The following SHROOM4 variants were observed in gnomAD, a reference collection of about 807,000 sequenced individuals.
SHROOM4 encodes shroom family member 4.
A neutral mutation model predicts 80.3 loss-of-function variants in SHROOM4; 17 were observed. The observed-to-expected ratio is 0.21, with a 90% CI of 0.14 to 0.32. The LOEUF is 0.32. Among genes scored for constraint, SHROOM4 ranks in the 10% least tolerant of loss-of-function variants. The pLI, the probability that SHROOM4 is intolerant of heterozygous loss-of-function variation, is 1.00. For synonymous variants in SHROOM4, 400 were observed against 437.5 expected (o/e 0.91, Z 1.07); for missense variants, 993 against 1,140.3 (o/e 0.87, Z 1.86).
intron 5 of SHROOM4, among the ~76,000 whole-genome samples, chrX:50,622,635 C>T (rs1930621195): frequency 8.9e-6 from 1 of 112,029 alleles, no homozygotes; most frequent in South Asian, 3.7e-4. Flanking sequence ...TCCACCTACA[C>T]TCATCATTCC....
At chrX:50,615,424 C>T (rs954969184) in intron 5 of SHROOM4, among the ~76,000 whole-genome samples, 2 of 110,839 alleles carry the variant, frequency 1.8e-5, no homozygotes, top group African/African-American at 3.3e-5. Flanking sequence ...TCCCTGATTC[C>T]CCCAAAGCAT....
intron 2 of SHROOM4, among the ~76,000 whole-genome samples, chrX:50,642,655 G>T (rs782483229): frequency 9.0e-6 from 1 of 111,087 alleles, no homozygotes; most frequent in African/African-American, 3.3e-5. Context: ...TGTAGAGATG[G>T]GGTTTCACCA....
Position 50,709,061 on chromosome X carries a change from A to G in SHROOM4, c.118-13124T>C, listed in dbSNP as rs1349263618. 2.7e-5 allele frequency among the ~76,000 whole-genome samples: 3 copies of G among 111,082 alleles called. No individual in the cohort carries two copies. The East Asian group carries it at 8.5e-4, about 32-fold the overall frequency. On this transcript the variant is annotated intron_variant, in intron 1 of 8. Coordinates refer to ENST00000376020, the MANE Select transcript of SHROOM4 (RefSeq NM_020717.5). ...GTCCTTCCAGAGGGGTGGGGGACGG[A>G]GGAAAGAGAGGCAGCCAGAGGTCCA... is the stretch of plus-strand genomic sequence containing the variant.
intron 1 of SHROOM4, among the ~76,000 whole-genome samples, chrX:50,790,808 A>G (rs1935837090): frequency 9.0e-6 from 1 of 111,601 alleles, no homozygotes; most frequent in Non-Finnish European, 1.9e-5. Context: ...AATAAAGGCC[A>G]TATAAGAAAA....
At chrX:50,597,103 G>T in intron 8 of SHROOM4, 139 bp from the exon 9 acceptor site, 2 of 755,402 alleles carry the variant, frequency 2.6e-6, no homozygotes, top group Non-Finnish European at 3.9e-6. Flanking sequence ...TAGATTTTCT[G>T]CCCTGAAGTC....
At chrX:50,796,113 T>C (rs1936005336) in intron 1 of SHROOM4, among the ~76,000 whole-genome samples, 1 of 111,270 alleles carries the variant, frequency 9.0e-6, no homozygotes, top group South Asian at 3.8e-4. Context: ...TCAGTTGGTG[T>C]CAGTTTGTGG....
intron 2 of SHROOM4, among the ~76,000 whole-genome samples, chrX:50,642,210 G>A (rs1001373570): frequency 1.8e-5 from 2 of 112,166 alleles, no homozygotes; most frequent in Non-Finnish European, 3.8e-5. Context: ...TCACTTCTGC[G>A]AGTTGCAGAT....
intron 1 of SHROOM4, among the ~76,000 whole-genome samples, chrX:50,709,817 G>T (rs1212338977): frequency 8.9e-6 from 1 of 111,981 alleles, no homozygotes; most frequent in African/African-American, 3.3e-5. Flanking sequence ...TCAAAGTGTG[G>T]TACCTGGACC....
the SHROOM4 span, among the ~76,000 whole-genome samples, chrX:50,576,032 G>A: frequency 1.8e-5 from 2 of 111,841 alleles, no homozygotes; most frequent in African/African-American, 3.2e-5. Flanking sequence ...TTAGGTGGGC[G>A]AATAGAGTTT....
chrX:50,804,159 A>T (rs1936180404), intron 1 of SHROOM4, among the ~76,000 whole-genome samples: 1 of 111,860 alleles, frequency 8.9e-6, no homozygotes, highest in South Asian at 3.8e-4. Flanking sequence ...TGCTAATAAT[A>T]ATATGAAATA....
downstream of SHROOM4, among the ~76,000 whole-genome samples, chrX:50,585,783 A>G (rs945134470): frequency 1.8e-5 from 2 of 111,521 alleles, no homozygotes; most frequent in Non-Finnish European, 3.8e-5. Flanking sequence ...CGAGCTCCCA[A>G]AGATACATGG....
At chrX:50,672,581 C>T (rs895244895) in intron 2 of SHROOM4, among the ~76,000 whole-genome samples, 2 of 111,151 alleles carry the variant, frequency 1.8e-5, no homozygotes, top group East Asian at 5.7e-4. Flanking sequence ...TACTGAAGTA[C>T]TAGAAGGAGA....
chrX:50,613,996 A>G (rs888834564), intron 5 of SHROOM4, among the ~76,000 whole-genome samples: 2 of 112,094 alleles, frequency 1.8e-5, no homozygotes, highest in Admixed American at 1.9e-4. Flanking sequence ...GTCAACTCAA[A>G]TGCATAGGGG....
intron 5 of SHROOM4, among the ~76,000 whole-genome samples, chrX:50,611,131 A>ATTTTCTT (rs1929953834): frequency 9.0e-5 from 7 of 77,473 alleles, no homozygotes; most frequent in African/African-American, 3.7e-4. Flanking sequence ...TACAGACCAT[A>ATTTTCTT]TTTTCTTTTT....
At chrX:50,627,416 A>G in intron 5 of SHROOM4, among the ~76,000 whole-genome samples, 198 bp downstream of exon 5, 1 of 111,425 alleles carries the variant, frequency 9.0e-6, no homozygotes, top group Non-Finnish European at 1.9e-5. Context: ...TGTCCTAGCA[A>G]TCAGTTTGGT....
At chrX:50,767,320 C>G (rs967516963) in intron 1 of SHROOM4, among the ~76,000 whole-genome samples, 3 of 111,957 alleles carry the variant, frequency 2.7e-5, no homozygotes, top group Non-Finnish European at 3.8e-5. Context: ...ACCACACAAT[C>G]TTATATTTTC....
chrX:50,703,939 C>T (rs912516681), intron 1 of SHROOM4, among the ~76,000 whole-genome samples: 1 of 111,792 alleles, frequency 8.9e-6, no homozygotes, highest in Non-Finnish European at 1.9e-5. Flanking sequence ...CCTTGCAAAG[C>T]TGATGTGGTG....
intron 2 of SHROOM4, among the ~76,000 whole-genome samples, chrX:50,643,057 G>C (rs1557257442): frequency 9.0e-6 from 1 of 111,018 alleles, no homozygotes; most frequent in African/African-American, 3.3e-5. Context: ...AGAGAGAGGA[G>C]GAGAAACAAA....
intron 1 of SHROOM4, among the ~76,000 whole-genome samples, chrX:50,758,067 T>C (rs1442135688): frequency 9.0e-6 from 1 of 111,699 alleles, no homozygotes. Context: ...AATGAAAATG[T>C]TTTCTTAATT....
Sources: allele counts gnomAD v4.1 joint callset (sites outside exome capture counted in the v4.1 genomes callset), GRCh38; gene constraint gnomAD v4.1.1; transcripts MANE v1.5; gene names NCBI Gene and HGNC (gene_info 2026-07-23, HGNC 2026-07-21).